CTNND2: variants seen among roughly 807,000 people sequenced by gnomAD.
CTNND2 encodes catenin delta 2.
In CTNND2, 22 loss-of-function variants were observed where a neutral mutation model predicts 144.4. The observed-to-expected ratio is 0.15, with a 90% CI of 0.11 to 0.22. The LOEUF is 0.22. CTNND2 is among the 10% of genes least tolerant of loss of function. CTNND2 has a pLI of 1.00. For synonymous variants in CTNND2, 751 were observed against 695.6 expected (o/e 1.08, Z -1.25); for missense variants, 1,353 against 1,618.8 (o/e 0.84, Z 2.82).
intron 3 of CTNND2, among the ~76,000 whole-genome samples, chr5:11,480,504 T>C (rs1768140245): frequency 6.6e-6 from 1 of 152,200 alleles, no homozygotes; most frequent in Non-Finnish European, 1.5e-5. Flanking sequence ...AGAACACAGA[T>C]AACTCCCTTC....
chr5:11,618,362 T>A (rs924089187), intron 2 of CTNND2, among the ~76,000 whole-genome samples: 2 of 152,170 alleles, frequency 1.3e-5, no homozygotes, highest in African/African-American at 4.8e-5. Context: ...TCACAGTTAG[T>A]GAGATTAATA....
chr5:11,017,909 T>C (rs1741797876), intron 18 of CTNND2, 65 bp downstream of exon 18: 2 of 1,269,598 alleles, frequency 1.6e-6, no homozygotes. Context: ...CCTCCACGTC[T>C]GTGACGCCTC....
intron 9 of CTNND2, among the ~76,000 whole-genome samples, chr5:11,339,593 T>C (rs1754044615): frequency 1.3e-5 from 2 of 152,324 alleles, no homozygotes; most frequent in African/African-American, 2.4e-5. Context: ...ATGGTCTGAA[T>C]GTTTGTGACC....
intron 9 of CTNND2, among the ~76,000 whole-genome samples, chr5:11,342,862 A>C (rs1482295377): frequency 6.6e-6 from 1 of 152,222 alleles, no homozygotes; most frequent in African/African-American, 2.4e-5. Context: ...GTTTAAAAAC[A>C]ACAGTATATA....
intron 9 of CTNND2, among the ~76,000 whole-genome samples, chr5:11,290,386 T>G (rs534059909): frequency 2.0e-5 from 3 of 152,330 alleles, no homozygotes; most frequent in South Asian, 4.1e-4. Context: ...TGATTGTGTT[T>G]CTATTTGTAG....
intron 1 of CTNND2, among the ~76,000 whole-genome samples, chr5:11,901,984 G>C (rs1215682269): frequency 6.6e-6 from 1 of 152,176 alleles, no homozygotes; most frequent in African/African-American, 2.4e-5. Context: ...AGTGCTCTCG[G>C]AAAGTTCCCT....
At chr5:11,665,443 G>A (rs1431338175) in intron 2 of CTNND2, among the ~76,000 whole-genome samples, 1 of 152,116 alleles carries the variant, frequency 6.6e-6, no homozygotes, top group African/African-American at 2.4e-5. Context: ...GCCTGAACCC[G>A]TGTATAAATC....
intron 3 of CTNND2, among the ~76,000 whole-genome samples, chr5:11,539,240 G>A (rs1006604103): frequency 6.6e-6 from 1 of 152,094 alleles, no homozygotes; most frequent in African/African-American, 2.4e-5. Flanking sequence ...GAAGTTACTT[G>A]GACTGATGAT....
At chr5:10,978,897 G>A (rs1736849961) in intron 21 of CTNND2, among the ~76,000 whole-genome samples, 1 of 152,214 alleles carries the variant, frequency 6.6e-6, no homozygotes, top group Admixed American at 6.5e-5. Context: ...GTAAAAAGAA[G>A]GTGCCCCTTA....
chr5:11,320,020 G>A (rs562131640), intron 9 of CTNND2, among the ~76,000 whole-genome samples: 1 of 152,286 alleles, frequency 6.6e-6, no homozygotes, highest in South Asian at 2.1e-4. Flanking sequence ...GCTGAACTCT[G>A]AGAACACTAA....
intron 3 of CTNND2, among the ~76,000 whole-genome samples, chr5:11,444,107 C>G (rs556348457): frequency 6.6e-6 from 1 of 152,228 alleles, no homozygotes; most frequent in East Asian, 1.9e-4. Flanking sequence ...TGACTTAATG[C>G]CAAAATTCAG....
intron 3 of CTNND2, among the ~76,000 whole-genome samples, chr5:11,418,537 A>G (rs1282172017): frequency 2.0e-5 from 3 of 152,232 alleles, no homozygotes; most frequent in African/African-American, 7.2e-5. Flanking sequence ...AAGAATGGCA[A>G]AATCATTGAT....
At chr5:11,804,015 A>G (rs548244465) in intron 1 of CTNND2, among the ~76,000 whole-genome samples, 40 of 152,274 alleles carry the variant, frequency 2.6e-4, no homozygotes, top group Admixed American at 7.8e-4. Flanking sequence ...GAGGACTCCT[A>G]TGAGTTCTGT....
At chr5:11,667,419 C>A (rs1387092727) in intron 2 of CTNND2, among the ~76,000 whole-genome samples, 1 of 152,204 alleles carries the variant, frequency 6.6e-6, no homozygotes, top group Non-Finnish European at 1.5e-5. Flanking sequence ...CACATCCTCT[C>A]CAGTATCTGT....
At chr5:11,521,897 A>C (rs1772758741) in intron 3 of CTNND2, among the ~76,000 whole-genome samples, 1 of 152,224 alleles carries the variant, frequency 6.6e-6, no homozygotes, top group Non-Finnish European at 1.5e-5. Flanking sequence ...CAACGAGAAC[A>C]ATTTATAACC....
At chr5:11,805,676 T>C (rs1405167240) in intron 1 of CTNND2, among the ~76,000 whole-genome samples, 2 of 151,296 alleles carry the variant, frequency 1.3e-5, no homozygotes, top group South Asian at 2.1e-4. Flanking sequence ...TATCCATGTG[T>C]CTATACTAAT....
In CTNND2 at chr5:11,098,632, T is replaced by A; in HGVS notation, c.2580A>T (p.Pro860=). The A allele has an allele frequency of 6.2e-7, 1 of 1,614,148 alleles. No homozygotes were observed. The highest frequency in any genetic ancestry group is 8.5e-7 in the Non-Finnish European group (1 of 1,180,002). The change falls in exon 15 of 22, where the codon CCA becomes CCT. Residue 860 remains proline, a synonymous_variant. Coordinates refer to ENST00000304623, the MANE Select transcript of CTNND2 (RefSeq NM_001332.4). ...CGCCTGCCGCCCCTTCCAGCGTGTC[T>A]GGATTTGAGCACTCAGAGAGCAGTG... ...YLTLLSECSN[P]DTLEGAAGAL... is the part of the protein sequence containing the mutation.
At chr5:11,488,934 ACGTGT>A (rs1174936023) in intron 3 of CTNND2, among the ~76,000 whole-genome samples, 1 of 152,188 alleles carries the variant, frequency 6.6e-6, no homozygotes. Flanking sequence ...CAGAACATGG[ACGTGT>A]AGAGTTTAAG....
intron 3 of CTNND2, among the ~76,000 whole-genome samples, chr5:11,465,317 T>C (rs1009271696): frequency 6.6e-6 from 1 of 151,754 alleles, no homozygotes; most frequent in Non-Finnish European, 1.5e-5. Flanking sequence ...TTTTTTTTTT[T>C]GCATTCTCTT....
Sources: allele counts gnomAD v4.1 joint callset (sites outside exome capture counted in the v4.1 genomes callset), GRCh38; gene constraint gnomAD v4.1.1; transcripts MANE v1.5; gene names NCBI Gene and HGNC (gene_info 2026-07-23, HGNC 2026-07-21).